The following C11orf65 variants were observed in gnomAD, a reference collection of about 807,000 sequenced individuals.
C11orf65 encodes the protein chromosome 11 open reading frame 65.
C11orf65 carries 38 observed loss-of-function variants against 35.3 expected under a neutral mutation model. The observed-to-expected ratio is 1.08, with a 90% CI of 0.83 to 1.41. The LOEUF (loss-of-function observed/expected upper bound fraction) is 1.41. Among genes scored for constraint, C11orf65 ranks in the 40% most tolerant of loss-of-function variants. C11orf65 has a pLI of 0.00. For synonymous variants in C11orf65, 105 were observed against 114.4 expected (o/e 0.92, Z 0.53); for missense variants, 370 against 367.1 (o/e 1.01, Z -0.06).
intron 2 of C11orf65, among the ~76,000 whole-genome samples, chr11:108,347,065 C>T (rs2088509517): frequency 6.6e-6 from 1 of 152,070 alleles, no homozygotes; most frequent in Non-Finnish European, 1.5e-5. Context: ...TTTAGCAAAT[C>T]ATCTAGGATT....
intron 6 of C11orf65, among the ~76,000 whole-genome samples, chr11:108,311,612 C>T (rs758888424): frequency 2.5e-4 from 38 of 151,918 alleles, no homozygotes; most frequent in Admixed American, 3.9e-4. Flanking sequence ...GGAGGAGGAT[C>T]GCTTGAGCCC....
At chr11:108,349,637 T>C (rs977839793) in intron 2 of C11orf65, among the ~76,000 whole-genome samples, 1 of 151,942 alleles carries the variant, frequency 6.6e-6, no homozygotes, top group Non-Finnish European at 1.5e-5. Context: ...CACTTCAGCC[T>C]GGGCGGCAGA....
intron 2 of C11orf65, chr11:108,355,398 C>A: frequency 6.0e-6 from 1 of 167,820 alleles, no homozygotes; most frequent in Non-Finnish European, 1.3e-5. Context: ...AGGGTTTGGG[C>A]CTGCAGAGCA....
intron 2 of C11orf65, among the ~76,000 whole-genome samples, chr11:108,349,595 A>T (rs558320329): frequency 6.6e-6 from 1 of 152,238 alleles, no homozygotes; most frequent in Non-Finnish European, 1.5e-5. Context: ...CCCAGGAAGC[A>T]GAGGTTGCAG....
chr11:108,382,370 G>C (rs2091882703), downstream of C11orf65, among the ~76,000 whole-genome samples: 1 of 152,082 alleles, frequency 6.6e-6, no homozygotes, highest in Admixed American at 6.6e-5. Context: ...AAAAAACTGA[G>C]ATTAGGGGAA....
chr11:108,404,172 A>G (rs2138617297), intron 6 of C11orf65, among the ~76,000 whole-genome samples: 1 of 152,244 alleles, frequency 6.6e-6, no homozygotes, highest in African/African-American at 2.4e-5. Context: ...TTCAGGCACA[A>G]TATACAACCA....
At chr11:108,452,628 G>C (rs143321936) in intron 2 of C11orf65, among the ~76,000 whole-genome samples, 35 of 152,270 alleles carry the variant, frequency 2.3e-4, no homozygotes, top group Middle Eastern at 3.4e-3. Context: ...AATACCATTT[G>C]AGCCAGCCAT....
intron 2 of C11orf65, chr11:108,343,155 C>T (rs1274187426): frequency 1.3e-6 from 2 of 1,585,758 alleles, no homozygotes; most frequent in East Asian, 2.2e-5. Flanking sequence ...ACTCTGATAG[C>T]TGAATGATCA....
chr11:108,435,869 T>C (rs1319692951), intron 2 of C11orf65, among the ~76,000 whole-genome samples: 1 of 152,180 alleles, frequency 6.6e-6, no homozygotes, highest in Non-Finnish European at 1.5e-5. Context: ...ATCCCTGTAA[T>C]CTGTAATGTG....
chr11:108,398,884 A>G (rs930268645), intron 6 of C11orf65, among the ~76,000 whole-genome samples: 3 of 152,254 alleles, frequency 2.0e-5, no homozygotes, highest in African/African-American at 7.2e-5. Flanking sequence ...ATTAATATCC[A>G]GAATATTTGT....
downstream of C11orf65, among the ~76,000 whole-genome samples, chr11:108,379,026 G>C (rs1390005946): frequency 5.3e-5 from 8 of 152,266 alleles, no homozygotes; most frequent in South Asian, 1.2e-3. Flanking sequence ...TACACTGTTG[G>C]TGGGACTGTA....
rs138743494 is a variant in C11orf65, at chr11:108,399,627, C to T, written c.560+5802G>A. On this transcript the variant is annotated intron_variant, in intron 6 of 8. Transcript: ENST00000393084. ...GTATGGAGATGATGTGGAGGCAATG[C>T]AGCGTAAGTAGTGGTTGCAGGAGTA... Among the ~76,000 whole-genome samples the T allele has an allele frequency of 7.5e-3, 1,142 of 152,304 alleles. 9 individuals are homozygous for T. Among genetic ancestry groups the T allele is most frequent in the African/African-American group, 0.024 (1,013 of 41,570 alleles).
chr11:108,405,975 T>C (rs2092532998), intron 5 of C11orf65, among the ~76,000 whole-genome samples: 1 of 152,170 alleles, frequency 6.6e-6, no homozygotes, highest in African/African-American at 2.4e-5. Flanking sequence ...GTTTCCCCGT[T>C]ATGACATTTT....
chr11:108,399,921 T>C (rs1157707957), intron 6 of C11orf65, among the ~76,000 whole-genome samples: 3 of 152,240 alleles, frequency 2.0e-5, no homozygotes, highest in East Asian at 3.8e-4. Flanking sequence ...CACTGCCTTC[T>C]TCCTAAACCC....
intron 2 of C11orf65, among the ~76,000 whole-genome samples, chr11:108,444,688 AC>A (rs1174787750): frequency 6.6e-6 from 1 of 152,156 alleles, no homozygotes; most frequent in Non-Finnish European, 1.5e-5. Flanking sequence ...GACGCAGAAG[AC>A]AGGTGATTTC....
intron 2 of C11orf65, among the ~76,000 whole-genome samples, chr11:108,457,855 G>A (rs2093426023): frequency 6.6e-6 from 1 of 152,020 alleles, no homozygotes; most frequent in South Asian, 2.1e-4. Context: ...CAAGCAATGT[G>A]CTAAAACTAT....
At chr11:108,449,778 T>A (rs1156532443) in intron 2 of C11orf65, among the ~76,000 whole-genome samples, 1 of 151,920 alleles carries the variant, frequency 6.6e-6, no homozygotes, top group South Asian at 2.1e-4. Context: ...AAGCCAAAAT[T>A]GACAAATGGG....
intron 2 of C11orf65, among the ~76,000 whole-genome samples, chr11:108,343,885 C>T (rs1279538145): frequency 6.6e-6 from 1 of 152,194 alleles, no homozygotes; most frequent in Non-Finnish European, 1.5e-5. Flanking sequence ...TCACATTGGC[C>T]ATCTAGTCTG....
At chr11:108,396,178 T>TG (rs1402079505) in intron 6 of C11orf65, among the ~76,000 whole-genome samples, 1 of 152,078 alleles carries the variant, frequency 6.6e-6, no homozygotes, top group African/African-American at 2.4e-5. Context: ...CTGTAACCTC[T>TG]GCCTCCTGGG....
Sources: gnomAD v4.1 joint callset for allele counts (sites outside exome capture counted in the v4.1 genomes callset) on GRCh38, gnomAD v4.1.1 for gene constraint, MANE v1.5 for transcripts, NCBI Gene and HGNC (gene_info 2026-07-23, HGNC 2026-07-21) for gene names.